The following EIF3E variants were observed in gnomAD, a reference collection of about 807,000 sequenced individuals.
EIF3E encodes eukaryotic translation initiation factor 3 subunit E, also known as eIF-3 p48.
EIF3E carries 25 observed loss-of-function variants against 59.3 expected under a neutral mutation model. The ratio of observed to expected loss-of-function variants is 0.42; its 90% confidence interval spans 0.31 to 0.59. The LOEUF (loss-of-function observed/expected upper bound fraction) is 0.59. EIF3E is among the 20% of genes least tolerant of loss of function. The pLI is 0.15. For missense variants in EIF3E, 317 were observed against 534.3 expected (o/e 0.59, Z 4.01); for synonymous variants, 176 against 170.2 (o/e 1.03, Z -0.26).
intron 3 of EIF3E, among the ~76,000 whole-genome samples, chr8:108,236,986 C>A (rs1362885277): frequency 1.3e-5 from 2 of 151,902 alleles, no homozygotes; most frequent in African/African-American, 4.8e-5. Flanking sequence ...GGCACCACTG[C>A]ACTCCAGCCT....
intron 10 of EIF3E, among the ~76,000 whole-genome samples, chr8:108,207,087 T>A (rs1251314315): frequency 2.6e-5 from 4 of 152,196 alleles, no homozygotes; most frequent in Non-Finnish European, 5.9e-5. Flanking sequence ...AGTAAATAAT[T>A]GATGGCATCT....
At chr8:108,202,220 A>T (rs1586187446) in intron 12 of EIF3E, among the ~76,000 whole-genome samples, 1 of 152,124 alleles carries the variant, frequency 6.6e-6, no homozygotes, top group Non-Finnish European at 1.5e-5. Context: ...AAAAAACATC[A>T]TATGAAAGTT....
chr8:108,217,500 G>T, intron 7 of EIF3E, 40 bp from the exon 8 acceptor site: 3 of 1,530,086 alleles, frequency 2.0e-6, no homozygotes, highest in Admixed American at 1.9e-5. Flanking sequence ...ACTTACCCAG[G>T]GTGAGATAAA....
At chr8:108,237,765 T>C (rs1472166310) in intron 3 of EIF3E, among the ~76,000 whole-genome samples, 1 of 152,158 alleles carries the variant, frequency 6.6e-6, no homozygotes, top group African/African-American at 2.4e-5. Flanking sequence ...TTGCAGTGGA[T>C]CACACTGAAT....
At position 108,217,471 on chromosome 8, in the gene EIF3E, A is replaced by G. The variant is rs1220430890; in HGVS notation, c.723-11T>C. ...ATTGCATTAAGATATCTAAGAAAAAATATAAAAGTTATTTAATAACTTACC... is the reference window on the plus strand; with the variant it reads ...ATTGCATTAAGATATCTAAGAAAAAGTATAAAAGTTATTTAATAACTTACC... On this transcript the variant is annotated splice_polypyrimidine_tract_variant and intron_variant, in intron 7 of 12. Coordinates refer to ENST00000220849, the MANE Select transcript of EIF3E (RefSeq NM_001568.3). 1 of 1,581,178 alleles carries G rather than the reference A, an allele frequency of 6.3e-7. No individual in the cohort carries two copies. The highest frequency in any genetic ancestry group is 1.8e-5 in the Admixed American group (1 of 56,828).
intron 7 of EIF3E, among the ~76,000 whole-genome samples, chr8:108,220,895 G>A (rs1815397986): frequency 6.6e-6 from 1 of 152,128 alleles, no homozygotes; most frequent in Non-Finnish European, 1.5e-5. Flanking sequence ...AGTGGTGTGA[G>A]CCTATAGTCC....
At chr8:108,242,572 G>T (rs1486287094) in intron 1 of EIF3E, 1 of 1,154,648 alleles carries the variant, frequency 8.7e-7, no homozygotes, top group Non-Finnish European at 1.1e-6. Flanking sequence ...ATTTTGCAAG[G>T]AAAGAAAAAT....
intron 7 of EIF3E, among the ~76,000 whole-genome samples, chr8:108,222,904 A>G (rs1360574461): frequency 3.3e-5 from 5 of 151,192 alleles, no homozygotes; most frequent in Middle Eastern, 3.4e-3. Flanking sequence ...TAGGTAAGTA[A>G]AATGTTTTAG....
At chr8:108,224,656 A>T (rs1437728357) in intron 7 of EIF3E, among the ~76,000 whole-genome samples, 1 of 151,628 alleles carries the variant, frequency 6.6e-6, no homozygotes, top group Non-Finnish European at 1.5e-5. Context: ...ACTACTGAGT[A>T]GTTTTCTTTT....
chr8:108,246,601 C>T (rs1000658952), intron 1 of EIF3E, among the ~76,000 whole-genome samples: 2 of 152,076 alleles, frequency 1.3e-5, no homozygotes, highest in African/African-American at 4.8e-5. Context: ...CACAGGTCCA[C>T]GTATACACAA....
intron 1 of EIF3E, among the ~76,000 whole-genome samples, chr8:108,247,593 A>G (rs1371780646): frequency 1.3e-5 from 2 of 152,218 alleles, no homozygotes; most frequent in Non-Finnish European, 2.9e-5. Context: ...AACGAGCCAC[A>G]ACACCTGGAC....
Position 108,248,697 on chromosome 8 carries a change from C to T in EIF3E, c.6G>A (p.Ala2=), listed in dbSNP as rs751510977. 6.2e-7 allele frequency: 1 copy of T among 1,614,000 alleles called. No individual in the cohort carries two copies. The highest frequency in any genetic ancestry group is 1.1e-5 in the South Asian group (1 of 91,080). The part of the protein sequence containing the change: M[A]EYDLTTRIAH... ...CGATGCGAGTAGTCAAGTCGTACTC[C>T]GCCATCTTGCCAAAGAAAAGGGAGT... Residue 2 remains alanine (A), a synonymous_variant, in exon 1 of 13, where the codon GCG becomes GCA. Transcript: ENST00000220849.
rs1272484737 is a variant in EIF3E at position 108,240,023 on chromosome 8, T to C, written c.258A>G (p.Ala86=). 1 of 1,614,120 alleles carries C rather than the reference T, an allele frequency of 6.2e-7. No homozygotes were observed. The highest frequency in any genetic ancestry group is 1.7e-5 in the Admixed American group (1 of 60,028). The part of the protein sequence containing the change: ...TVVAQLKQLQ[A]ETEPIVKMFE... Reference sequence around the variant, plus strand: ...ACATCTTCACAATTGGTTCTGTTTCTGCCTGAAGCTGTTTCAGTTGTGCAA... The same window carrying C: ...ACATCTTCACAATTGGTTCTGTTTCCGCCTGAAGCTGTTTCAGTTGTGCAA... Residue 86 remains alanine, a synonymous_variant, in exon 3 of 13, where the codon GCA becomes GCG. Coordinates refer to ENST00000220849, the MANE Select transcript of EIF3E (RefSeq NM_001568.3).
At chr8:108,244,377 CAT>C (rs1488517759) in intron 1 of EIF3E, among the ~76,000 whole-genome samples, 1 of 152,180 alleles carries the variant, frequency 6.6e-6, no homozygotes, top group African/African-American at 2.4e-5. Context: ...CTCTTGAAAA[CAT>C]ATTACTTTTT....
In EIF3E at chr8:108,201,267, C is replaced by G. The variant is rs55891751; in HGVS notation, c.*618G>C. 1 of 126,538 alleles carries G rather than the reference C, an allele frequency of 7.9e-6. No homozygotes were observed. Among genetic ancestry groups the G allele is most frequent in the African/African-American group, 3.5e-5 (1 of 28,186 alleles). 7.8% of individuals were successfully genotyped at this position (126,538 alleles called of 1,614,324 possible). Reference sequence around the variant, plus strand: ...CTACTGATCATATATATATATATATCTATCTCTCAACTTGGATGGCTCTCA... The same window carrying G: ...CTACTGATCATATATATATATATATGTATCTCTCAACTTGGATGGCTCTCA... On this transcript the variant is annotated 3_prime_UTR_variant, in exon 13 of 13. Transcript: ENST00000220849.
chr8:108,244,952 C>A (rs998919870), intron 1 of EIF3E, among the ~76,000 whole-genome samples: 18 of 151,844 alleles, frequency 1.2e-4, no homozygotes, highest in African/African-American at 3.9e-4. Context: ...TATACTACTC[C>A]CATAGCCTTC....
chr8:108,206,393 CT>C lies in EIF3E; in HGVS notation c.1062-2891del, dbSNP rs1403281765. Among the ~76,000 whole-genome samples, 7 of 152,180 alleles carry C rather than the reference CT, an allele frequency of 4.6e-5. No individual in the cohort carries two copies. The East Asian group carries it at 7.7e-4, about 17-fold the overall frequency. ...CTATGTATGTGAAATGCAAAAAGGT[CT>C]ACCAGTTCTAATCTGGAGATTTGGG... On this transcript the variant is annotated intron_variant, in intron 10 of 12. Transcript: ENST00000220849.
intron 1 of EIF3E, among the ~76,000 whole-genome samples, chr8:108,243,788 C>T (rs1419312623): frequency 2.0e-5 from 3 of 151,766 alleles, no homozygotes; most frequent in Admixed American, 1.3e-4. Flanking sequence ...GAATGAACGT[C>T]ATATCTGATA....
chr8:108,240,132 C>T (rs1815807428), intron 2 of EIF3E, 57 bp from the exon 3 acceptor site: 1 of 1,398,850 alleles, frequency 7.1e-7, no homozygotes, highest in East Asian at 2.3e-5. Flanking sequence ...TTGTGCTACT[C>T]ATCATGAGAA....
Sources: allele counts gnomAD v4.1 joint callset (sites outside exome capture counted in the v4.1 genomes callset), GRCh38; gene constraint gnomAD v4.1.1; transcripts MANE v1.5; gene names NCBI Gene and HGNC (gene_info 2026-07-23, HGNC 2026-07-21).